The following UMODL1 variants were observed in gnomAD, a reference collection of about 807,000 sequenced individuals.
The protein encoded by UMODL1 is uromodulin like 1.
UMODL1 carries 128 observed loss-of-function variants against 136.3 expected under a neutral mutation model. The ratio of observed to expected loss-of-function variants is 0.94; its 90% confidence interval spans 0.81 to 1.09. The LOEUF (loss-of-function observed/expected upper bound fraction) is 1.09. Among genes scored for constraint, UMODL1 ranks in the 50% least tolerant of loss-of-function variants. The probability of loss-of-function intolerance (pLI) is 0.00; values close to 1 mark genes in which losing one functional copy is unlikely to be tolerated. For synonymous variants in UMODL1, 721 were observed against 720.0 expected, an observed-to-expected ratio of 1.00 and a Z score of -0.02; for missense variants, 1,766 against 1,725.6, an observed-to-expected ratio of 1.02 and a Z score of -0.41.
In UMODL1 at chr21:42,093,643, G is replaced by T. The variant is rs116477697; in HGVS notation, c.931+3205G>T. 1,224 of 268,514 alleles carry T rather than the reference G, an allele frequency of 4.6e-3. 11 individuals are homozygous for T. The highest frequency in any genetic ancestry group is 0.026 in the African/African-American group (1,151 of 44,292). 16.6% of individuals were successfully genotyped at this position (268,514 alleles called of 1,614,324 possible). On this transcript the variant is annotated intron_variant, in intron 6 of 22. Coordinates refer to ENST00000408910, the MANE Select transcript of UMODL1 (RefSeq NM_001004416.3). ...AGATCTTCCCCCCATCACCAGGAAC[G>T]TTCCCCTCCTATCAGAATGAGGCTG...
chr21:42,119,005 C>G lies in UMODL1; in HGVS notation c.2476-106C>G, dbSNP rs191260043. On this transcript the variant is annotated intron_variant, in intron 14 of 22. Transcript: ENST00000408910. ...AACCTGTGGCTTTTACTTTGTGCCACGGGCCAGCCCTGCTGCTGGGCAGAC... is the reference window on the plus strand; with the variant it reads ...AACCTGTGGCTTTTACTTTGTGCCAGGGGCCAGCCCTGCTGCTGGGCAGAC... 3 of 1,181,596 alleles carry G rather than the reference C, an allele frequency of 2.5e-6. No homozygotes were observed. In the African/African-American group the frequency reaches 4.6e-5, roughly 18 times the overall value. The allele number at this position is 1,181,596 out of a possible 1,614,324, so 73.2% of individuals were successfully genotyped here. A position where few individuals can be genotyped will look rare whatever the true frequency, so the allele number is the denominator to read the frequency against.
chr21:42,135,628 C>G (rs991959722), intron 21 of UMODL1, among the ~76,000 whole-genome samples: 2 of 152,230 alleles, frequency 1.3e-5, no homozygotes, highest in African/African-American at 4.8e-5. Flanking sequence ...AGGTCCACTA[C>G]AGAGCCCCTG....
chr21:42,107,772 G>A (rs1299487472), intron 9 of UMODL1, among the ~76,000 whole-genome samples: 1 of 152,152 alleles, frequency 6.6e-6, no homozygotes, highest in African/African-American at 2.4e-5. Context: ...GAGATCTGGG[G>A]TCTGTACCTG....
At chr21:42,129,830 A>G in intron 21 of UMODL1, 33 bp downstream of exon 21, 1 of 1,470,052 alleles carries the variant, frequency 6.8e-7, no homozygotes, top group Non-Finnish European at 9.1e-7. Flanking sequence ...ACAATGAAAG[A>G]AAAGATGCAA....
intron 6 of UMODL1, among the ~76,000 whole-genome samples, chr21:42,095,348 G>T (rs934814344): frequency 6.6e-6 from 1 of 151,992 alleles, no homozygotes; most frequent in African/African-American, 2.4e-5. Context: ...GCCCACTTTG[G>T]CCTCCCAAAG....
rs969234452 is a variant in UMODL1 at position 42,085,950 on chromosome 21, C to T, written c.603+538C>T. 1.3e-5 allele frequency among the ~76,000 whole-genome samples: 2 copies of T among 152,194 alleles called. No homozygotes were observed. The highest frequency in any genetic ancestry group is 6.5e-5 in the Admixed American group (1 of 15,282). On this transcript the variant is annotated intron_variant, in intron 4 of 22. Transcript: ENST00000408910. This position sits in a 1 kb window ranked among gnomAD's most constrained non-coding sequence, Gnocchi z 4.5. ...GGCATCCAAAACTGTCTCCAGACGT[C>T]GCCCACTGTCCCCTGGGGATAAAAA...
chr21:42,071,020 G>A (rs180908259), upstream of UMODL1, among the ~76,000 whole-genome samples: 169 of 152,354 alleles, frequency 1.1e-3, 2 homozygotes, highest in Middle Eastern at 3.4e-3. Context: ...GATGCGGTCT[G>A]GGCTTTTGGG....
intron 22 of UMODL1, among the ~76,000 whole-genome samples, chr21:42,139,287 C>T (rs1342499237): frequency 1.3e-5 from 2 of 152,178 alleles, no homozygotes; most frequent in Admixed American, 6.5e-5. Context: ...CCTCAGGAAA[C>T]TTACAATCAT....
chr21:42,067,845 C>G (rs556699341), upstream of UMODL1, among the ~76,000 whole-genome samples: 156 of 152,358 alleles, frequency 1.0e-3, 1 homozygote, highest in African/African-American at 3.5e-3. Context: ...TCCAACCCGG[C>G]AACTGCTGCC....
intron 6 of UMODL1, among the ~76,000 whole-genome samples, chr21:42,092,513 T>A (rs1294215259): frequency 2.0e-5 from 3 of 152,188 alleles, no homozygotes; most frequent in Non-Finnish European, 4.4e-5. Flanking sequence ...CCATGATAAT[T>A]ATTGGTGGTT....
chr21:42,108,979 G>GACCCCACCCCCCGCGCGGGAAGTTCA (rs1473622291), intron 9 of UMODL1, among the ~76,000 whole-genome samples: 2 of 68,406 alleles, frequency 2.9e-5, no homozygotes, highest in East Asian at 4.7e-4. Flanking sequence ...TGTAAAGCTG[G>GACCCCACCCCCCGCGCGGGAAGTTCA]TGTTATGCTC....
chr21:42,104,607 G>A (rs1294101278), intron 9 of UMODL1, among the ~76,000 whole-genome samples: 3 of 151,986 alleles, frequency 2.0e-5, no homozygotes, highest in Non-Finnish European at 2.9e-5. Context: ...CTGCCACCAC[G>A]CCTGGCTAAT....
chr21:42,119,950 A>C (rs949514957), intron 15 of UMODL1, among the ~76,000 whole-genome samples: 1 of 150,950 alleles, frequency 6.6e-6, no homozygotes, highest in African/African-American at 2.4e-5. Context: ...AAAGTAAACA[A>C]AAAATTTTTC....
intron 9 of UMODL1, among the ~76,000 whole-genome samples, chr21:42,109,000 CCACCCCCG>C: frequency 2.8e-5 from 4 of 143,318 alleles, no homozygotes; most frequent in East Asian, 2.1e-4. Flanking sequence ...AGCTGGACCC[CCACCCCCG>C]GTGTGGAAAG....
At chr21:42,076,315 C>T (rs964324615) in intron 2 of UMODL1, 68 bp downstream of exon 2, 13 of 1,593,602 alleles carry the variant, frequency 8.2e-6, no homozygotes, top group South Asian at 1.1e-5. Context: ...GGGACAGTCA[C>T]CGTTGGCATC....
At chr21:42,115,762 C>A in intron 13 of UMODL1, 111 bp from the exon 14 acceptor site, 1 of 837,120 alleles carries the variant, frequency 1.2e-6, no homozygotes, top group Non-Finnish European at 1.9e-6. Flanking sequence ...CACGGGTTGG[C>A]TTTGGTGTGA....
chr21:42,118,059 G>C lies in UMODL1; in HGVS notation c.2476-1052G>C, dbSNP rs534909673. Among the ~76,000 whole-genome samples the C allele has an allele frequency of 7.0e-4, 106 of 152,272 alleles. No individual in the cohort carries two copies. In the Middle Eastern group the frequency reaches 0.01, roughly 15 times the overall value. ...TGATAACCGCAGACGTGGATGTCAG[G>C]AGGTGTTGGCTGCATGGCTTGGTCC... On this transcript the variant is annotated intron_variant, in intron 14 of 22. Coordinates refer to ENST00000408910, the MANE Select transcript of UMODL1 (RefSeq NM_001004416.3).
At position 42,090,342 on chromosome 21, in the gene UMODL1, A is replaced by G. The variant is rs1214011266; in HGVS notation, c.835A>G (p.Arg279Gly). ...FYEELNACSG[R>G]ELCANLEGSY... ...TGAGGAGCTCAATGCCTGCTCTGGA[A>G]GGGAACTGTGCGCAAACCTGGAGGG... The change falls in exon 6 of 23, where the codon AGG becomes GGG. Residue 279 changes from arginine to glycine, a missense_variant. Arg to Gly is a moderately radical substitution (Grantham distance 125, BLOSUM62 -2). Coordinates refer to ENST00000408910, the MANE Select transcript of UMODL1 (RefSeq NM_001004416.3). 5 of 1,614,068 alleles carry G rather than the reference A, an allele frequency of 3.1e-6. No individual in the cohort carries two copies.
At chr21:42,072,220 G>A (rs220276) in intron 1 of UMODL1, among the ~76,000 whole-genome samples, 106,835 of 152,124 alleles carry the variant, frequency 0.7, 38,440 homozygotes, top group Admixed American at 0.8. Context: ...CGGAGAGCAG[G>A]GCAGCTTCTT....
Sources: gnomAD v4.1 joint callset for allele counts (sites outside exome capture counted in the v4.1 genomes callset) on GRCh38, gnomAD v4.1.1 for gene constraint, Gnocchi (gnomAD v3.1) non-coding constraint, MANE v1.5 for transcripts, NCBI Gene and HGNC (gene_info 2026-07-23, HGNC 2026-07-21) for gene names.